ZMYND15: variants seen among roughly 807,000 people sequenced by gnomAD.
ZMYND15 encodes the protein zinc finger MYND-type containing 15, also known as zinc finger MYND domain-containing protein 15.
Under a neutral mutation model 81.7 loss-of-function variants are expected in ZMYND15, and 54 were observed. The ratio of observed to expected loss-of-function variants is 0.66; its 90% CI spans 0.53 to 0.83. The LOEUF is 0.83. ZMYND15 is among the 40% of genes least tolerant of loss of function. The pLI is 0.00. For missense variants in ZMYND15, 925 were observed against 973.5 expected (o/e 0.95, Z 0.66); for synonymous variants, 399 against 387.0 (o/e 1.03, Z -0.36).
At position 4,745,923 on chromosome 17, in the gene ZMYND15, C is replaced by T; in HGVS notation, c.2162C>T (p.Pro721Leu). Residue 721 changes from proline to leucine, a missense_variant, in exon 14 of 14, where the codon CCT becomes CTT. Coordinates refer to ENST00000433935, the MANE Select transcript of ZMYND15 (RefSeq NM_001136046.3). The surrounding 1 kb of genome is among the most constrained non-coding windows in gnomAD (Gnocchi z 5.2). Reference protein sequence around the residue: ...PPPPSPTPSAPPAPTRRRRGE... With the variant: ...PPPPSPTPSALPAPTRRRRGE... ...CCCCCATCCCCAACTCCCTCTGCTC[C>T]TCCTGCCCCCACCCGAAGGCGCCGA... is the stretch of plus-strand genomic sequence containing the variant. 1.3e-6 allele frequency: 2 copies of T among 1,502,516 alleles called. No homozygotes were observed. The highest frequency in any genetic ancestry group is 2.6e-5 in the East Asian group (1 of 38,484). 93.1% of individuals were successfully genotyped at this position (1,502,516 alleles called of 1,614,324 possible).
rs201129199 is a variant in ZMYND15, at chr17:4,741,562, A to G, written c.593-20A>G. The G allele has an allele frequency of 3.4e-4, 545 of 1,613,276 alleles. 4 individuals are homozygous for G. In the African/African-American group the frequency reaches 5.8e-3, roughly 17 times the overall value. ...TCTCTCGCTGCCCCCTACCACCTCA[A>G]CTTTTCCCTCTTTCCCCAGAGGCTG... On this transcript the variant is annotated intron_variant, in intron 2 of 13. Transcript: ENST00000433935.
intron 5 of ZMYND15, 123 bp downstream of exon 5, chr17:4,742,614 C>T: frequency 7.5e-7 from 1 of 1,331,438 alleles, no homozygotes; most frequent in Non-Finnish European, 1.0e-6. Context: ...GAGCCTAGAT[C>T]CCTGGAACAA....
At position 4,743,728 on chromosome 17, in the gene ZMYND15, C is replaced by A; in HGVS notation, c.1298-39C>A. On this transcript the variant is annotated intron_variant, in intron 6 of 13. Coordinates refer to ENST00000433935, the MANE Select transcript of ZMYND15 (RefSeq NM_001136046.3). The surrounding 1 kb of genome is among the most constrained non-coding windows in gnomAD (Gnocchi z 4.3). ...AGAAAGAGATGGGTCAGGTGGGGGTCTCCCTGACCCCAGGCCCCTCCTTCT... is the reference window on the plus strand; with the variant it reads ...AGAAAGAGATGGGTCAGGTGGGGGTATCCCTGACCCCAGGCCCCTCCTTCT... 6.3e-7 allele frequency: 1 copy of A among 1,582,398 alleles called. No homozygotes were observed. The highest frequency in any genetic ancestry group is 1.1e-5 in the South Asian group (1 of 87,644).
Position 4,742,561 on chromosome 17 carries a change from TGGGAACA to T in ZMYND15, c.1144+74_1144+80del, listed in dbSNP as rs1284045116. On this transcript the variant is annotated intron_variant, in intron 5 of 13. Transcript: ENST00000433935. ...TCTTTGAGACTGGGAATTAGATGTC[TGGGAACA>T]GGGTCCTGCAGTTGAAGGCTGAGTG... The T allele has an allele frequency of 1.9e-6, 3 of 1,574,758 alleles. No homozygotes were observed. In the East Asian group the frequency reaches 6.7e-5, roughly 35 times the overall value.
chr17:4,742,840 T>C (rs1448861219), intron 5 of ZMYND15, among the ~76,000 whole-genome samples: 2 of 152,144 alleles, frequency 1.3e-5, no homozygotes, highest in Admixed American at 1.3e-4. Flanking sequence ...GCCCATGGAA[T>C]TGTTACAAGG....
Position 4,745,704 on chromosome 17 carries a change from GGTGGA to G in ZMYND15, c.2058-113_2058-109del. 2.5e-6 allele frequency: 1 copy of G among 406,154 alleles called. No individual in the cohort carries two copies. The highest frequency in any genetic ancestry group is 3.9e-6 in the Non-Finnish European group (1 of 255,096). The allele number at this position is 406,154 out of a possible 1,614,324, so 25.2% of individuals were successfully genotyped here. ...CCCGCCCCCTGGTCCCTGACCGCCC[GGTGGA>G]GCCCCGCCCCCTGGTCCCTGACCGC... On this transcript the variant is annotated intron_variant, in intron 13 of 13. Transcript: ENST00000433935. This position sits in a 1 kb window ranked among gnomAD's most constrained non-coding sequence, Gnocchi z 5.2.
chr17:4,740,215 C>A, intron 1 of ZMYND15, 165 bp downstream of exon 1: 1 of 533,216 alleles, frequency 1.9e-6, no homozygotes, highest in Non-Finnish European at 2.5e-6. Context: ...AGCCCTCTCT[C>A]CTCTCTAGCC....
In ZMYND15 at chr17:4,743,567, C is replaced by T. The variant is rs1916529656; in HGVS notation, c.1297+112C>T. The T allele has an allele frequency of 1.1e-5, 16 of 1,476,964 alleles. No individual in the cohort carries two copies. The highest frequency in any genetic ancestry group is 2.0e-5 in the Admixed American group (1 of 49,116). 91.5% of individuals were successfully genotyped at this position (1,476,964 alleles called of 1,614,324 possible). On this transcript the variant is annotated intron_variant, in intron 6 of 13. Transcript: ENST00000433935. This position sits in a 1 kb window ranked among gnomAD's most constrained non-coding sequence, Gnocchi z 4.3. ...CATACACACTGACCCCTACCAACAG[C>T]ACCAGGGCCATTTCAGGCCTTTCCC... is the stretch of plus-strand genomic sequence containing the variant.
intron 5 of ZMYND15, among the ~76,000 whole-genome samples, chr17:4,742,821 A>G (rs1916485257): frequency 6.6e-6 from 1 of 152,168 alleles, no homozygotes; most frequent in African/African-American, 2.4e-5. Flanking sequence ...CATGAGGGAT[A>G]CGGAGAAGGC....
Position 4,741,790 on chromosome 17 carries a change from T to C in ZMYND15, c.801T>C (p.Leu267=), listed in dbSNP as rs375528301. Residue 267 remains leucine, a synonymous_variant, in exon 3 of 14, where the codon CTT becomes CTC. Transcript: ENST00000433935. The part of the protein sequence containing the change: ...GSGDPRKPRQ[L]TVGDARLHRE... ...GGGATCCCCGAAAGCCCCGACAGCT[T>C]ACTGTGGGAGATGCCCGGCTGCATC... 2 of 1,578,578 alleles carry C rather than the reference T, an allele frequency of 1.3e-6. No individual in the cohort carries two copies. The highest frequency in any genetic ancestry group is 1.4e-5 in the African/African-American group (1 of 73,866).
At chr17:4,740,074 G>A in intron 1 of ZMYND15, 24 bp downstream of exon 1, 1 of 986,320 alleles carries the variant, frequency 1.0e-6, no homozygotes, top group Non-Finnish European at 1.2e-6. Context: ...GGGGCGGCCG[G>A]GAGGGGCTAG....
At chr17:4,742,637 G>A (rs1916477902) in intron 5 of ZMYND15, 146 bp downstream of exon 5, 1 of 1,145,874 alleles carries the variant, frequency 8.7e-7, no homozygotes, top group South Asian at 1.6e-5. Context: ...GCAGGGGCTG[G>A]GTGTTTGGGG....
chr17:4,744,413 T>C lies in ZMYND15; in HGVS notation c.1629T>C (p.Phe543=). The C allele has an allele frequency of 6.2e-7, 1 of 1,614,056 alleles. No homozygotes were observed. The highest frequency in any genetic ancestry group is 8.5e-7 in the Non-Finnish European group (1 of 1,180,008). The change falls in exon 10 of 14, where the codon TTT becomes TTC. Residue 543 remains phenylalanine, a synonymous_variant. Transcript: ENST00000433935. This position sits in a 1 kb window ranked among gnomAD's most constrained non-coding sequence, Gnocchi z 4.1. ...CCCATGTGGCCCTGGAGCTGCAGTT[T>C]GTAGGTGATGGCCTGCCCCCCGAAA... The part of the protein sequence containing the change: ...LLPHVALELQ[F]VGDGLPPESD...
In ZMYND15 at chr17:4,741,967, A is replaced by G. The variant is rs748517695; in HGVS notation, c.880A>G (p.Met294Val). 2.5e-6 allele frequency: 4 copies of G among 1,614,108 alleles called. No homozygotes were observed. Among genetic ancestry groups the G allele is most frequent in the East Asian group, 2.2e-5 (1 of 44,882 alleles). The change falls in exon 4 of 14, where the codon ATG (methionine) becomes GTG (valine). Residue 294 changes from methionine to valine, a missense_variant. Transcript: ENST00000433935. The stretch of plus-strand genomic sequence containing the variant: ...AGGTGTGAAGTTAGCCAAAACCCCA[A>G]TGCGGACATGGGGTCCCCGGCCAGG... Reference protein sequence around the residue: ...RLGVKLAKTPMRTWGPRPGFT... With the variant: ...RLGVKLAKTPVRTWGPRPGFT...
chr17:4,741,985 C>T lies in ZMYND15; in HGVS notation c.898C>T (p.Arg300Trp), dbSNP rs183203026. 26 of 1,614,210 alleles carry T rather than the reference C, an allele frequency of 1.6e-5. No individual in the cohort carries two copies. Among genetic ancestry groups the T allele is most frequent in the African/African-American group, 5.3e-5 (4 of 75,054 alleles). Residue 300 changes from arginine (R) to tryptophan (W), a missense_variant, in exon 4 of 14, where the codon CGG becomes TGG. Physicochemically the swap from Arg to Trp is moderately radical, Grantham distance 101. Transcript: ENST00000433935. Reference protein sequence around the residue: ...AKTPMRTWGPRPGFTFASLRA... With the variant: ...AKTPMRTWGPWPGFTFASLRA... ...AACCCCAATGCGGACATGGGGTCCC[C>T]GGCCAGGCTTCACCTTTGCTTCCCT...
chr17:4,740,982 G>C lies in ZMYND15; in HGVS notation c.434G>C (p.Arg145Pro). ...STEKVEPEEDRELAPTSRESP... is the reference protein window; with the variant it reads ...STEKVEPEEDPELAPTSRESP... ...GAGAAGGTGGAACCAGAGGAGGACC[G>C]GGAGCTAGCCCCTACCAGCAGGGAG... The change falls in exon 2 of 14, where the codon CGG (arginine) becomes CCG (proline). Residue 145 changes from arginine to proline, a missense_variant. Transcript: ENST00000433935. 1 of 1,562,126 alleles carries C rather than the reference G, an allele frequency of 6.4e-7. No individual in the cohort carries two copies. The highest frequency in any genetic ancestry group is 1.4e-5 in the African/African-American group (1 of 73,772).
Position 4,744,859 on chromosome 17 carries a change from T to G in ZMYND15, c.1838-11T>G. On this transcript the variant is annotated splice_polypyrimidine_tract_variant and intron_variant, in intron 11 of 13. Coordinates refer to ENST00000433935, the MANE Select transcript of ZMYND15 (RefSeq NM_001136046.3). The surrounding 1 kb of genome is among the most constrained non-coding windows in gnomAD (Gnocchi z 4.1). ...CGTGGGAGCCAGCTTCTCCCTCCTC[T>G]CTGTCTGCAGGATTTAACTCCGGGT... is the stretch of plus-strand genomic sequence containing the variant. The G allele has an allele frequency of 6.2e-7, 1 of 1,614,088 alleles. No individual in the cohort carries two copies. Among genetic ancestry groups the G allele is most frequent in the Non-Finnish European group, 8.5e-7 (1 of 1,179,992 alleles).
Position 4,745,139 on chromosome 17 carries a change from C to A in ZMYND15, c.1897-76C>A. 6.2e-7 allele frequency: 1 copy of A among 1,609,506 alleles called. No individual in the cohort carries two copies. Among genetic ancestry groups the A allele is most frequent in the Non-Finnish European group, 8.5e-7 (1 of 1,177,662 alleles). ...CGGTCTGTCCGGGGACCTCGGCTTT[C>A]AGCCCGGTCTGTCATTCTGGCTGCT... On this transcript the variant is annotated intron_variant, in intron 12 of 13. Coordinates refer to ENST00000433935, the MANE Select transcript of ZMYND15 (RefSeq NM_001136046.3). This position sits in a 1 kb window ranked among gnomAD's most constrained non-coding sequence, Gnocchi z 5.2.
chr17:4,744,344 A>ATCTT lies in ZMYND15; in HGVS notation c.1585-13_1585-10dup, dbSNP rs752064794. On this transcript the variant is annotated intron_variant, in intron 9 of 13. Coordinates refer to ENST00000433935, the MANE Select transcript of ZMYND15 (RefSeq NM_001136046.3). The surrounding 1 kb of genome is among the most constrained non-coding windows in gnomAD (Gnocchi z 4.1). Reference sequence around the variant, plus strand: ...GGGGTGGGCACAGGGTAGACCCCAGATCTTTCTTTCTTTCTGTCCTTCAGG... The same window carrying ATCTT: ...GGGGTGGGCACAGGGTAGACCCCAGATCTTTCTTTCTTTCTTTCTGTCCTTCAGG... 1 of 1,613,478 alleles carries ATCTT rather than the reference A, an allele frequency of 6.2e-7. No homozygotes were observed. Among genetic ancestry groups the ATCTT allele is most frequent in the East Asian group, 2.2e-5 (1 of 44,864 alleles).
Sources: gnomAD v4.1 joint callset for allele counts (sites outside exome capture counted in the v4.1 genomes callset) on GRCh38, gnomAD v4.1.1 for gene constraint, Gnocchi (gnomAD v3.1) non-coding constraint, MANE v1.5 for transcripts, NCBI Gene and HGNC (gene_info 2026-07-23, HGNC 2026-07-21) for gene names.